Variants in DNAH11 observed in about 807,000 individuals in gnomAD.
The protein encoded by DNAH11 is dynein axonemal heavy chain 11, also known as axonemal beta dynein heavy chain 11.
A neutral mutation model predicts 526.0 loss-of-function variants in DNAH11; 442 were observed. The observed-to-expected ratio is 0.84, with a 90% CI of 0.78 to 0.91. DNAH11 has a LOEUF of 0.91. Among genes scored for constraint, DNAH11 ranks in the 40% least tolerant of loss-of-function variants. The pLI is 0.00. For missense variants in DNAH11, 6,989 were observed against 5,448.7 expected (o/e 1.28, Z -8.90); for synonymous variants, 2,461 against 1,935.9 (o/e 1.27, Z -7.12).
intron 61 of DNAH11, among the ~76,000 whole-genome samples, chr7:21,793,210 C>A (rs1248541375): frequency 3.3e-5 from 5 of 152,084 alleles, no homozygotes; most frequent in Admixed American, 2.0e-4. Context: ...TAGTTTTATT[C>A]CATTGTGATC....
chr7:21,783,206 AGTT>A (rs1788028325), intron 57 of DNAH11, among the ~76,000 whole-genome samples: 1 of 152,168 alleles, frequency 6.6e-6, no homozygotes, highest in South Asian at 2.1e-4. Flanking sequence ...GTTTTGGAGT[AGTT>A]CTCAGTAAGC....
intron 40 of DNAH11, 123 bp downstream of exon 40, chr7:21,707,958 A>G (rs986085436): frequency 3.0e-6 from 3 of 993,326 alleles, no homozygotes; most frequent in South Asian, 2.4e-5. Context: ...TATTGGAAAT[A>G]TAGCAGATCA....
intron 52 of DNAH11, 78 bp downstream of exon 52, chr7:21,748,820 G>T: frequency 7.0e-7 from 1 of 1,437,520 alleles, no homozygotes; most frequent in African/African-American, 1.4e-5. Context: ...CGCCCGTGTG[G>T]GCTGTGACTC....
intron 69 of DNAH11, among the ~76,000 whole-genome samples, chr7:21,863,558 C>G (rs1234295943): frequency 2.0e-5 from 3 of 152,136 alleles, no homozygotes; most frequent in Admixed American, 6.5e-5. Context: ...GATCTCTTGA[C>G]CTCATGATCT....
At chr7:21,694,642 T>C (rs541905154) in intron 35 of DNAH11, among the ~76,000 whole-genome samples, 1 of 152,322 alleles carries the variant, frequency 6.6e-6, no homozygotes, top group South Asian at 2.1e-4. Context: ...CTATTGTAAA[T>C]AGTGCTGCAT....
At chr7:21,868,410 G>A (rs141620379) in intron 72 of DNAH11, among the ~76,000 whole-genome samples, 3 of 152,256 alleles carry the variant, frequency 2.0e-5, no homozygotes, top group South Asian at 2.1e-4. Context: ...AGAATACCAG[G>A]TTAATATAGC....
chr7:21,809,444 A>G (rs1789410975), intron 63 of DNAH11, among the ~76,000 whole-genome samples: 1 of 151,918 alleles, frequency 6.6e-6, no homozygotes, highest in South Asian at 2.1e-4. Flanking sequence ...CTTTGCCCAG[A>G]TGTCCTGAAG....
At chr7:21,674,610 C>T (rs566896531) in intron 30 of DNAH11, among the ~76,000 whole-genome samples, 3 of 152,250 alleles carry the variant, frequency 2.0e-5, no homozygotes, top group South Asian at 2.1e-4. Flanking sequence ...CCATCTGCCT[C>T]GGCCTGCCAC....
chr7:21,849,787 G>A (rs758208118), intron 66 of DNAH11, among the ~76,000 whole-genome samples: 6 of 152,072 alleles, frequency 3.9e-5, no homozygotes, highest in Admixed American at 6.6e-5. Context: ...CAATGACTAA[G>A]AGTTGATTTT....
intron 54 of DNAH11, among the ~76,000 whole-genome samples, chr7:21,756,477 C>T (rs1276331400): frequency 6.6e-6 from 1 of 151,986 alleles, no homozygotes; most frequent in Non-Finnish European, 1.5e-5. Flanking sequence ...GCAAGATCAC[C>T]TTCCTTTTCT....
chr7:21,811,066 C>A (rs6948461), intron 63 of DNAH11, among the ~76,000 whole-genome samples: 138,188 of 152,290 alleles, frequency 0.91, 62,848 homozygotes, highest in African/African-American at 0.97. Flanking sequence ...TTTAAACATA[C>A]GGTATAAATA....
intron 74 of DNAH11, among the ~76,000 whole-genome samples, chr7:21,880,232 G>T (rs546778732): frequency 2.6e-5 from 4 of 152,114 alleles, no homozygotes; most frequent in African/African-American, 7.2e-5. Flanking sequence ...GACACAAATG[G>T]CTTCATGGGA....
chr7:21,769,408 G>A (rs116501392), intron 55 of DNAH11, among the ~76,000 whole-genome samples: 56 of 152,232 alleles, frequency 3.7e-4, no homozygotes, highest in African/African-American at 1.3e-3. Context: ...ACCAGAAGCA[G>A]CCACACCATT....
intron 2 of DNAH11, among the ~76,000 whole-genome samples, chr7:21,551,903 C>T (rs1418824650): frequency 3.3e-5 from 5 of 152,112 alleles, no homozygotes; most frequent in Non-Finnish European, 7.3e-5. Context: ...ATTTTAGAGT[C>T]TGAGAATCTG....
chr7:21,557,425 C>T (rs1412080222), intron 2 of DNAH11, among the ~76,000 whole-genome samples: 2 of 152,104 alleles, frequency 1.3e-5, no homozygotes, highest in African/African-American at 4.8e-5. Flanking sequence ...CAAAATCAAG[C>T]CAGTAGTGAA....
chr7:21,845,297 G>A (rs551680827), intron 66 of DNAH11, among the ~76,000 whole-genome samples: 1 of 152,080 alleles, frequency 6.6e-6, no homozygotes, highest in Non-Finnish European at 1.5e-5. Context: ...TTAACTGACA[G>A]TTCGTGAAGA....
chr7:21,783,907 A>G (rs1230698692), intron 57 of DNAH11, among the ~76,000 whole-genome samples: 1 of 152,214 alleles, frequency 6.6e-6, no homozygotes, highest in Non-Finnish European at 1.5e-5. Context: ...ATAGTTAGGC[A>G]TGCGATCCAT....
chr7:21,547,162 T>C (rs988089549), intron 2 of DNAH11, among the ~76,000 whole-genome samples: 51 of 152,206 alleles, frequency 3.4e-4, no homozygotes, highest in African/African-American at 1.2e-3. Flanking sequence ...ACATCCCAGG[T>C]CTATTTGTTT....
At chr7:21,614,185 T>C (rs1445421961) in intron 20 of DNAH11, among the ~76,000 whole-genome samples, 1 of 152,220 alleles carries the variant, frequency 6.6e-6, no homozygotes, top group African/African-American at 2.4e-5. Flanking sequence ...AGTATAGGTA[T>C]TTAAAGTTCA....
Sources: gnomAD v4.1 joint callset for allele counts (sites outside exome capture counted in the v4.1 genomes callset) on GRCh38, gnomAD v4.1.1 for gene constraint, MANE v1.5 for transcripts, NCBI Gene and HGNC (gene_info 2026-07-23, HGNC 2026-07-21) for gene names.